SYN1: variants seen among roughly 807,000 people sequenced by gnomAD.
The protein encoded by SYN1 is synapsin-1.
SYN1 carries 8 observed loss-of-function variants against 44.6 expected under a neutral mutation model. The ratio of observed to expected loss-of-function variants is 0.18; its 90% CI spans 0.11 to 0.32. The LOEUF (loss-of-function observed/expected upper bound fraction) is 0.32. SYN1 is among the 10% of genes least tolerant of loss of function. The pLI is 1.00. For missense variants in SYN1, 451 were observed against 639.4 expected, an observed-to-expected ratio of 0.71 and a Z score of 3.18; for synonymous variants, 275 against 280.1, an observed-to-expected ratio of 0.98 and a Z score of 0.18.
At chrX:47,616,303 G>A (rs2057931178) in intron 1 of SYN1, among the ~76,000 whole-genome samples, 1 of 111,909 alleles carries the variant, frequency 8.9e-6, no homozygotes. Context: ...GGGGGCTTCT[G>A]AGATGCAGAA....
Position 47,574,076 on chromosome X carries a change from C to T in SYN1, c.1908G>A (p.Leu636=). Residue 636 remains leucine, a synonymous_variant, in exon 12 of 13, where the codon CTG becomes CTA. Transcript: ENST00000295987. ...GCACGTCCTGGCTGGGTTTCTGGGC[C>T]AGCTGTGGTTTGGGACGTCCAGCGG... ...PGPAGRPKPQ[L]AQKPSQDVPP... 1 of 1,148,928 alleles carries T rather than the reference C, an allele frequency of 8.7e-7. No homozygotes were observed. The highest frequency in any genetic ancestry group is 1.2e-6 in the Non-Finnish European group (1 of 867,989). 94.7% of individuals were successfully genotyped at this position (1,148,928 alleles called of 1,213,427 possible).
intron 5 of SYN1, among the ~76,000 whole-genome samples, chrX:47,592,949 A>T (rs1289495184): frequency 1.8e-5 from 2 of 110,840 alleles, no homozygotes; most frequent in African/African-American, 6.6e-5. Flanking sequence ...ATCATAGCTC[A>T]CTGCAGCCTC....
In SYN1 at chrX:47,619,333, G is replaced by A. The variant is rs1410207203; in HGVS notation, c.377+19C>T. ...CTGGGGACCCAGGCCCACGGGAGAC[G>A]TCCGCGGCAGTGGCTTACCAGTCGG... On this transcript the variant is annotated intron_variant, in intron 1 of 12. Coordinates refer to ENST00000295987, the MANE Select transcript of SYN1 (RefSeq NM_006950.3). 2.5e-6 allele frequency: 3 copies of A among 1,199,061 alleles called. No homozygotes were observed. Among genetic ancestry groups the A allele is most frequent in the South Asian group, 1.8e-5 (1 of 56,348 alleles).
chrX:47,608,287 GAAGGGGAAGGAAGGAAGGGGAA>G (rs1569331365), intron 1 of SYN1, among the ~76,000 whole-genome samples: 6 of 7,992 alleles, frequency 7.5e-4, no homozygotes, highest in Non-Finnish European at 1.2e-3. Flanking sequence ...AGGAAGGAAG[GAAGGGGAAGGAAGGAAGGGGAA>G]GGAAGGAAGG....
intron 12 of SYN1, 78 bp downstream of exon 12, chrX:47,573,924 G>C (rs1028182185): frequency 3.2e-6 from 3 of 948,778 alleles, no homozygotes; most frequent in Non-Finnish European, 4.1e-6. Context: ...GAGGAGCAAG[G>C]GAGCTAGGGC....
intron 10 of SYN1, 132 bp downstream of exon 10, chrX:47,574,996 T>G: frequency 3.2e-6 from 3 of 950,235 alleles, no homozygotes; most frequent in Non-Finnish European, 4.4e-6. Context: ...TTTAAACAAT[T>G]GGCAATCGCA....
chrX:47,600,372 T>C (rs2057876351), intron 5 of SYN1, among the ~76,000 whole-genome samples: 1 of 111,137 alleles, frequency 9.0e-6, no homozygotes, highest in Non-Finnish European at 1.9e-5. Flanking sequence ...TGTGCATGTG[T>C]ATTTTTTGCA....
At chrX:47,607,423 G>C (rs939360157) in intron 1 of SYN1, among the ~76,000 whole-genome samples, 11 of 111,858 alleles carry the variant, frequency 9.8e-5, no homozygotes, top group African/African-American at 3.6e-4. Context: ...TGTAAAATGT[G>C]GCCTTACACT....
chrX:47,616,083 T>A (rs983920639), intron 1 of SYN1, among the ~76,000 whole-genome samples: 1 of 111,125 alleles, frequency 9.0e-6, no homozygotes, highest in Admixed American at 9.6e-5. Flanking sequence ...TTTGCACAAC[T>A]CCTGCTTTAT....
At chrX:47,606,704 G>T (rs1603071548) in intron 3 of SYN1, among the ~76,000 whole-genome samples, 2 of 107,871 alleles carry the variant, frequency 1.9e-5, no homozygotes, top group African/African-American at 6.8e-5. Context: ...ACTCCAGCCT[G>T]GGAGACAGAG....
chrX:47,592,970 A>T (rs1372304859), intron 5 of SYN1, among the ~76,000 whole-genome samples: 3 of 109,470 alleles, frequency 2.7e-5, no homozygotes, highest in Non-Finnish European at 5.7e-5. Flanking sequence ...AAACTCCTGG[A>T]CTTAAGTGAT....
chrX:47,595,927 A>G (rs1055706776), intron 5 of SYN1, among the ~76,000 whole-genome samples: 17 of 112,593 alleles, frequency 1.5e-4, no homozygotes, highest in African/African-American at 5.5e-4. Context: ...AAATTGACCA[A>G]GGTTTACAAT....
chrX:47,585,186 T>G, intron 5 of SYN1: 1 of 1,172,213 alleles, frequency 8.5e-7, no homozygotes, highest in Non-Finnish European at 1.1e-6. Flanking sequence ...AAGAGACACT[T>G]CCCCTCATCC....
intron 8 of SYN1, 39 bp downstream of exon 8, chrX:47,576,293 C>T (rs1445002471): frequency 1.7e-6 from 2 of 1,205,911 alleles, no homozygotes; most frequent in East Asian, 3.0e-5. Context: ...CGTGCTCCCA[C>T]CCCCGCTTCC....
rs754795220 is a variant in SYN1 at position 47,576,379 on chromosome X, C to T, written c.1008G>A (p.Lys336=). The change falls in exon 8 of 13, where the codon AAG becomes AAA. Residue 336 remains lysine, a synonymous_variant. Transcript: ENST00000295987. ...YMRTSVSGNW[K]TNTGSAMLEQ... is the part of the protein sequence containing the mutation. ...CCAGCATCGCAGAGCCAGTATTGGT[C>T]TTCCAGTTCCCTGACACTGACGTCC... 7 of 1,210,405 alleles carry T rather than the reference C, an allele frequency of 5.8e-6. No individual in the cohort carries two copies. The highest frequency in any genetic ancestry group is 3.5e-5 in the South Asian group (2 of 56,833).
intron 5 of SYN1, among the ~76,000 whole-genome samples, chrX:47,600,115 A>C (rs1164496856): frequency 8.9e-6 from 1 of 112,586 alleles, no homozygotes; most frequent in Admixed American, 9.5e-5. Context: ...GGAGACAGAA[A>C]TAGACAATTC....
chrX:47,594,087 A>T (rs1327095345), intron 5 of SYN1, among the ~76,000 whole-genome samples: 1 of 110,977 alleles, frequency 9.0e-6, no homozygotes, highest in African/African-American at 3.3e-5. Flanking sequence ...CAAAAGAATT[A>T]GCTAGGCATG....
intron 1 of SYN1, among the ~76,000 whole-genome samples, chrX:47,617,503 C>A (rs988759117): frequency 3.6e-5 from 4 of 110,399 alleles, no homozygotes; most frequent in Non-Finnish European, 3.8e-5. Flanking sequence ...AGACTAAAAG[C>A]CCTTTGGGGG....
intron 5 of SYN1, chrX:47,604,622 C>A: frequency 4.6e-6 from 1 of 217,367 alleles, no homozygotes; most frequent in Non-Finnish European, 8.4e-6. Context: ...GGTAAAATTT[C>A]TATCAGAAGG....
Sources: gnomAD v4.1 joint callset for allele counts (sites outside exome capture counted in the v4.1 genomes callset) on GRCh38, gnomAD v4.1.1 for gene constraint, MANE v1.5 for transcripts, NCBI Gene and HGNC (gene_info 2026-07-23, HGNC 2026-07-21) for gene names.